Variants in N4BP2L2 observed in about 807,000 individuals in gnomAD.
N4BP2L2 encodes the protein NEDD4-binding protein 2-like 2.
N4BP2L2 carries 50 observed loss-of-function variants against 56.2 expected under a neutral mutation model. The observed-to-expected ratio is 0.89, with a 90% CI of 0.71 to 1.13. N4BP2L2 has a LOEUF of 1.13. N4BP2L2 is among the 50% of genes most tolerant of loss of function. The pLI is 0.00. For synonymous variants in N4BP2L2, 203 were observed against 223.6 expected (o/e 0.91, Z 0.82); for missense variants, 689 against 693.8 (o/e 0.99, Z 0.08).
exon 2 of N4BP2L2, chr13:32,536,713 T>C (rs374886566): frequency 1.9e-6 from 3 of 1,614,168 alleles, no homozygotes; most frequent in Non-Finnish European, 1.7e-6. Flanking sequence ...ATGGAGGACG[T>C]GCTTCCTGTA....
chr13:32,445,637 T>C (rs1165547323), intron 6 of N4BP2L2, among the ~76,000 whole-genome samples: 3 of 152,196 alleles, frequency 2.0e-5, no homozygotes, highest in Non-Finnish European at 2.9e-5. Flanking sequence ...TACTTGGAAA[T>C]GTGTAAAGGC....
chr13:32,450,567 G>T (rs183915642), intron 6 of N4BP2L2, among the ~76,000 whole-genome samples: 1 of 151,838 alleles, frequency 6.6e-6, no homozygotes, highest in Admixed American at 6.6e-5. Context: ...CTTGTGATCT[G>T]CCCGCCTCGG....
At chr13:32,500,546 C>CAAAA (rs1169575568) in intron 6 of N4BP2L2, among the ~76,000 whole-genome samples, 10 of 52,224 alleles carry the variant, frequency 1.9e-4, no homozygotes, top group African/African-American at 4.5e-4. Flanking sequence ...CCTGTCTCTA[C>CAAAA]AAAAAAAAAA....
intron 6 of N4BP2L2, among the ~76,000 whole-genome samples, chr13:32,445,576 T>C (rs1267821973): frequency 2.0e-5 from 3 of 152,238 alleles, no homozygotes; most frequent in Non-Finnish European, 4.4e-5. Flanking sequence ...TGCTGCTAAT[T>C]GCCCAGATTG....
chr13:32,466,757 ATCT>A (rs112141639), intron 6 of N4BP2L2, among the ~76,000 whole-genome samples: 6,876 of 152,186 alleles, frequency 0.045, 496 homozygotes, highest in African/African-American at 0.16. Context: ...GTTATATATA[ATCT>A]TCTATTTTTT....
chr13:32,442,824 A>G, exon 7 of N4BP2L2: 1 of 1,613,808 alleles, frequency 6.2e-7, no homozygotes, highest in Non-Finnish European at 8.5e-7. Flanking sequence ...AACGCTGTCC[A>G]TCAATATTTA....
intron 6 of N4BP2L2, among the ~76,000 whole-genome samples, chr13:32,479,750 A>AGTATGCAGTAT (rs1377758135): frequency 1.3e-5 from 2 of 152,144 alleles, no homozygotes; most frequent in Non-Finnish European, 2.9e-5. Flanking sequence ...GGAAAAAGAC[A>AGTATGCAGTAT]TCTGCAGAAA....
chr13:32,442,856 CAAGGT>C lies in N4BP2L2; in HGVS notation c.1631_1635del (p.Tyr544Ter), dbSNP rs1283114122. ...TTTAAAGGGGTAGCTTTGATAATAT[CAAGGT>C]AAAACCACAATGGATGATGATCAAA... is the stretch of plus-strand genomic sequence containing the variant. On this transcript the variant is annotated frameshift_variant, in exon 7 of 10. Transcript: ENST00000357505. LOFTEE classifies it high-confidence loss of function. 2 of 1,613,332 alleles carry C rather than the reference CAAGGT, an allele frequency of 1.2e-6. No individual in the cohort carries two copies. Among genetic ancestry groups the C allele is most frequent in the African/African-American group, 1.3e-5 (1 of 74,880 alleles).
At chr13:32,442,401 T>C in exon 7 of N4BP2L2, 1 of 1,591,130 alleles carries the variant, frequency 6.3e-7, no homozygotes, top group Non-Finnish European at 8.5e-7. Flanking sequence ...TTGGAACGCC[T>C]GGAGATCCAA....
At chr13:32,436,454 G>A (rs2075482124) in intron 8 of N4BP2L2, 2 of 899,284 alleles carry the variant, frequency 2.2e-6, no homozygotes, top group Non-Finnish European at 3.3e-6. Context: ...TGGCATTGGA[G>A]TTAAGTTTGC....
intron 6 of N4BP2L2, among the ~76,000 whole-genome samples, chr13:32,457,192 A>C (rs1226272017): frequency 3.9e-5 from 6 of 152,190 alleles, no homozygotes; most frequent in Non-Finnish European, 8.8e-5. Flanking sequence ...AAATAAATAC[A>C]TAAATACATA....
chr13:32,443,381 C>A (rs367713466), exon 7 of N4BP2L2: 2 of 1,613,970 alleles, frequency 1.2e-6, no homozygotes, highest in African/African-American at 1.3e-5. Flanking sequence ...GGCCAGCTAC[C>A]AAAATAGGGC....
At chr13:32,536,707 A>G in exon 2 of N4BP2L2, 18 of 1,614,114 alleles carry the variant, frequency 1.1e-5, no homozygotes, top group Non-Finnish European at 1.4e-5. Context: ...ATACTAATGG[A>G]GGACGTGCTT....
chr13:32,525,906 T>C (rs2052588152), intron 3 of N4BP2L2, among the ~76,000 whole-genome samples: 1 of 149,098 alleles, frequency 6.7e-6, no homozygotes, highest in Non-Finnish European at 1.5e-5. Flanking sequence ...TATTATTGGA[T>C]AAAACCATCA....
At chr13:32,538,735 G>A in exon 1 of N4BP2L2, 1 of 985,394 alleles carries the variant, frequency 1.0e-6, no homozygotes, top group Non-Finnish European at 1.2e-6. Context: ...AGGTCTGGAG[G>A]GACTAAAAGC....
At chr13:32,477,204 G>T in intron 6 of N4BP2L2, 1 of 448,954 alleles carries the variant, frequency 2.2e-6, no homozygotes, top group Non-Finnish European at 4.2e-6. Context: ...GAAGGTGGAG[G>T]AGAGGATGCC....
At chr13:32,536,102 T>C (rs1361593217) in exon 2 of N4BP2L2, 3 of 1,613,978 alleles carry the variant, frequency 1.9e-6, no homozygotes, top group Non-Finnish European at 2.5e-6. Flanking sequence ...CTGAGAGTCA[T>C]CTTGGGCTTG....
At chr13:32,517,784 T>C (rs1279268313) in exon 6 of N4BP2L2, 28 of 1,611,268 alleles carry the variant, frequency 1.7e-5, no homozygotes, top group Non-Finnish European at 2.3e-5. Context: ...ACAAATGTGT[T>C]AGCTGAAAAT....
chr13:32,535,855 C>T (rs1327879804), exon 2 of N4BP2L2: 2 of 1,613,978 alleles, frequency 1.2e-6, no homozygotes, highest in Non-Finnish European at 1.7e-6. Flanking sequence ...CCTCTTGAAA[C>T]TGCTGGTTCA....
Sources: gnomAD v4.1 joint callset for allele counts (sites outside exome capture counted in the v4.1 genomes callset) on GRCh38, gnomAD v4.1.1 for gene constraint, MANE v1.5 for transcripts, NCBI Gene and HGNC (gene_info 2026-07-23, HGNC 2026-07-21) for gene names.